Variants in RTKN2 observed in about 807,000 individuals in gnomAD.
RTKN2 encodes the protein rhotekin 2, also known as rhotekin-2.
A neutral mutation model predicts 71.5 loss-of-function variants in RTKN2; 69 were observed. The ratio of observed to expected loss-of-function variants is 0.96; its 90% confidence interval spans 0.79 to 1.18. The LOEUF is 1.18. Among genes scored for constraint, RTKN2 ranks in the 50% most tolerant of loss-of-function variants. The pLI is 0.00. For synonymous variants in RTKN2, 236 were observed against 236.5 expected (o/e 1.00, Z 0.02); for missense variants, 724 against 719.7 (o/e 1.01, Z -0.07).
intron 2 of RTKN2, among the ~76,000 whole-genome samples, chr10:62,251,891 CA>C (rs1842588441): frequency 1.3e-5 from 2 of 151,330 alleles, no homozygotes; most frequent in African/African-American, 4.9e-5. Flanking sequence ...TATATAGAAG[CA>C]AAAGTACACA....
chr10:62,218,304 A>G lies in RTKN2; in HGVS notation c.782-3T>C. 6.5e-7 allele frequency: 1 copy of G among 1,529,550 alleles called. No individual in the cohort carries two copies. The highest frequency in any genetic ancestry group is 1.2e-5 in the South Asian group (1 of 85,642). 94.7% of individuals were successfully genotyped at this position (1,529,550 alleles called of 1,614,324 possible). A position where few individuals can be genotyped will look rare whatever the true frequency, so the allele number is the denominator to read the frequency against. On this transcript the variant is annotated splice_region_variant and splice_polypyrimidine_tract_variant and intron_variant, in intron 7 of 11. Transcript: ENST00000373789. ...GGGAAGCCAAAATGAAGACTCCTCT[A>G]TTTAAAGGAGAAAGAAAAAAAAAAA...
chr10:62,263,360 A>G (rs1232090094), intron 1 of RTKN2, among the ~76,000 whole-genome samples: 1 of 152,204 alleles, frequency 6.6e-6, no homozygotes, highest in Non-Finnish European at 1.5e-5. Flanking sequence ...GGAAAAGGCA[A>G]GAAAGGAATT....
At position 62,195,175 on chromosome 10, in the gene RTKN2, G is replaced by C. The variant is rs750984565; in HGVS notation, c.*2733C>G. On this transcript the variant is annotated 3_prime_UTR_variant, in exon 12 of 12. Coordinates refer to ENST00000373789, the MANE Select transcript of RTKN2 (RefSeq NM_145307.4). ...GTAATTGTCTAAGACATTATCTTTA[G>C]ATCATCAGAATTATCATATCATAAA... The C allele has an allele frequency of 9.2e-6, 9 of 975,974 alleles. No individual in the cohort carries two copies. Among genetic ancestry groups the C allele is most frequent in the Non-Finnish European group, 1.1e-5 (9 of 821,462 alleles). 60.5% of individuals were successfully genotyped at this position (975,974 alleles called of 1,614,324 possible).
At position 62,240,106 on chromosome 10, in the gene RTKN2, G is replaced by GCA. The variant is rs934216496; in HGVS notation, c.371-343_371-342dup. ...CACACATGCGCGGGCATGCAAGCGT[G>GCA]CACACACACACTACTACTACCGCTG... On this transcript the variant is annotated intron_variant, in intron 4 of 11. Transcript: ENST00000373789. Among the ~76,000 whole-genome samples, 18 of 152,024 alleles carry GCA rather than the reference G, an allele frequency of 1.2e-4. No homozygotes were observed. In the South Asian group the frequency reaches 1.2e-3, roughly 10 times the overall value.
At chr10:62,207,441 C>G (rs1034093321) in intron 9 of RTKN2, among the ~76,000 whole-genome samples, 1 of 151,928 alleles carries the variant, frequency 6.6e-6, no homozygotes. Flanking sequence ...CAAAAAAATG[C>G]GTGTTGAAGA....
intron 2 of RTKN2, among the ~76,000 whole-genome samples, chr10:62,256,480 T>C (rs895807704): frequency 6.6e-5 from 10 of 152,306 alleles, no homozygotes; most frequent in African/African-American, 1.2e-4. Context: ...CTTGGTAAAA[T>C]TGAATATGGA....
intron 9 of RTKN2, among the ~76,000 whole-genome samples, chr10:62,208,374 C>A (rs993332613): frequency 2.6e-5 from 4 of 152,058 alleles, no homozygotes; most frequent in African/African-American, 7.2e-5. Context: ...TCAGCCTGGG[C>A]CAGGAAATGT....
In RTKN2 at chr10:62,262,735, ATCTT is replaced by A; in HGVS notation, c.143_146del (p.Lys48IlefsTer17). 2 of 1,613,262 alleles carry A rather than the reference ATCTT, an allele frequency of 1.2e-6. No homozygotes were observed. Among genetic ancestry groups the A allele is most frequent in the Non-Finnish European group, 1.7e-6 (2 of 1,179,284 alleles). ...GATTCTTAACTGCATGTAAAACTTG[ATCTT>A]TCTGAGTGCTCAGAGAAAGGAGTTT... On this transcript the variant is annotated frameshift_variant, in exon 2 of 12. Transcript: ENST00000373789. LOFTEE classifies it high-confidence loss of function.
chr10:62,208,893 G>A (rs1841601817), intron 9 of RTKN2, among the ~76,000 whole-genome samples: 1 of 152,184 alleles, frequency 6.6e-6, no homozygotes, highest in African/African-American at 2.4e-5. Context: ...TATATGATAT[G>A]CTTCTTGATG....
At chr10:62,261,366 G>A (rs1842771339) in intron 2 of RTKN2, among the ~76,000 whole-genome samples, 1 of 152,172 alleles carries the variant, frequency 6.6e-6, no homozygotes, top group Non-Finnish European at 1.5e-5. Flanking sequence ...TCCCGGCAGG[G>A]CACAGTGGCT....
intron 2 of RTKN2, among the ~76,000 whole-genome samples, chr10:62,260,610 T>C (rs543520137): frequency 1.3e-5 from 2 of 151,994 alleles, no homozygotes; most frequent in African/African-American, 4.8e-5. Context: ...AAACTGAAAA[T>C]CATACACATT....
chr10:62,219,283 G>T (rs1841851469), intron 7 of RTKN2, among the ~76,000 whole-genome samples: 1 of 152,162 alleles, frequency 6.6e-6, no homozygotes, highest in South Asian at 2.1e-4. Flanking sequence ...CCTAGATTTG[G>T]GACTCTGTCT....
Position 62,193,380 on chromosome 10 carries a change from T to C in RTKN2, c.*4528A>G, listed in dbSNP as rs150281321. On this transcript the variant is annotated 3_prime_UTR_variant, in exon 12 of 12. Coordinates refer to ENST00000373789, the MANE Select transcript of RTKN2 (RefSeq NM_145307.4). ...ATCTGGAATGATCTTTTCTAATTAT[T>C]AAACGTGTCAGCATTAGTATTTTCT... 42 of 981,918 alleles carry C rather than the reference T, an allele frequency of 4.3e-5. No homozygotes were observed. Among genetic ancestry groups the C allele is most frequent in the Non-Finnish European group, 4.8e-5 (40 of 826,712 alleles). 60.8% of individuals were successfully genotyped at this position (981,918 alleles called of 1,614,324 possible).
At chr10:62,198,561 A>G (rs1239985083) in intron 11 of RTKN2, 118 bp from the exon 12 acceptor site, 1 of 742,032 alleles carries the variant, frequency 1.3e-6, no homozygotes, top group Non-Finnish European at 2.0e-6. Context: ...AGACTATGAT[A>G]AGGAAAACGT....
chr10:62,213,533 T>C (rs538646513), intron 9 of RTKN2, among the ~76,000 whole-genome samples: 2 of 152,330 alleles, frequency 1.3e-5, no homozygotes, highest in East Asian at 3.9e-4. Flanking sequence ...ATGGGAAATC[T>C]GAATATGGAC....
chr10:62,235,144 A>T (rs1842228951), intron 6 of RTKN2, among the ~76,000 whole-genome samples: 1 of 152,172 alleles, frequency 6.6e-6, no homozygotes. Flanking sequence ...GAGGACAGGA[A>T]ATTGTAGTAG....
chr10:62,193,529 T>C lies in RTKN2; in HGVS notation c.*4379A>G. 2 of 981,980 alleles carry C rather than the reference T, an allele frequency of 2.0e-6. No individual in the cohort carries two copies. Among genetic ancestry groups the C allele is most frequent in the Non-Finnish European group, 2.4e-6 (2 of 826,758 alleles). The allele number at this position is 981,980 out of a possible 1,614,324, so 60.8% of individuals were successfully genotyped here. A position where few individuals can be genotyped will look rare whatever the true frequency, so the allele number is the denominator to read the frequency against. ...TAGTAGGCCTCTCTCTGTAAAGTATTTTTTTAATTTTAAATATTTCTGATC... is the reference window on the plus strand; with the variant it reads ...TAGTAGGCCTCTCTCTGTAAAGTATCTTTTTAATTTTAAATATTTCTGATC... On this transcript the variant is annotated 3_prime_UTR_variant, in exon 12 of 12. Coordinates refer to ENST00000373789, the MANE Select transcript of RTKN2 (RefSeq NM_145307.4).
chr10:62,204,815 C>T (rs1841513974), intron 10 of RTKN2, 42 bp downstream of exon 10: 2 of 1,420,518 alleles, frequency 1.4e-6, no homozygotes, highest in Non-Finnish European at 1.9e-6. Flanking sequence ...TCCTTTTAGG[C>T]TACATAAATA....
chr10:62,245,163 A>G (rs916986109), intron 3 of RTKN2, among the ~76,000 whole-genome samples: 2 of 152,130 alleles, frequency 1.3e-5, no homozygotes, highest in Non-Finnish European at 2.9e-5. Flanking sequence ...TAGCTTCCTG[A>G]ACACTTTGGA....
Sources: allele counts gnomAD v4.1 joint callset (sites outside exome capture counted in the v4.1 genomes callset), GRCh38; gene constraint gnomAD v4.1.1; transcripts MANE v1.5; gene names NCBI Gene and HGNC (gene_info 2026-07-23, HGNC 2026-07-21).